The following ANGEL2 variants were observed in gnomAD, a reference collection of about 807,000 sequenced individuals.
ANGEL2 encodes the protein RNA 2',3'-cyclic phosphatase ANGEL2.
ANGEL2 carries 41 observed loss-of-function variants against 66.0 expected under a neutral mutation model. The observed-to-expected ratio is 0.62, with a 90% confidence interval of 0.48 to 0.81. The LOEUF is 0.81. Ranked by LOEUF, ANGEL2 falls within the 30% of genes least tolerant of loss-of-function variation. ANGEL2 has a pLI of 0.00. For missense variants in ANGEL2, 561 were observed against 641.6 expected (o/e 0.87, Z 1.36); for synonymous variants, 208 against 226.5 (o/e 0.92, Z 0.73).
At chr1:212,996,637 AAAAATATATATAT>A (rs1301910155) in intron 8 of ANGEL2, among the ~76,000 whole-genome samples, 1 of 51,106 alleles carries the variant, frequency 2.0e-5, no homozygotes, top group African/African-American at 3.7e-5. Flanking sequence ...AAAAAAAAAA[AAAAATATATATAT>A]ATATATATAT....
At chr1:213,009,533 C>T (rs747039709) in intron 2 of ANGEL2, among the ~76,000 whole-genome samples, 1 of 152,156 alleles carries the variant, frequency 6.6e-6, no homozygotes, top group South Asian at 2.1e-4. Context: ...CACTGGAATA[C>T]AATGCCTGGA....
Position 213,015,860 on chromosome 1 carries a change from C to A in ANGEL2, c.-189G>T. On this transcript the variant is annotated 5_prime_UTR_variant, in exon 1 of 9. Transcript: ENST00000366962. ...ACACTCCATCTTGCGCAGTCAGAGT[C>A]CCTGAATGCCTTAACCCGGAATTCT... 1 of 657,856 alleles carries A rather than the reference C, an allele frequency of 1.5e-6. No homozygotes were observed. Among genetic ancestry groups the A allele is most frequent in the Admixed American group, 2.9e-5 (1 of 34,018 alleles). The allele number at this position is 657,856 out of a possible 1,614,324, so 40.8% of individuals were successfully genotyped here.
intron 1 of ANGEL2, chr1:213,015,006 G>A: frequency 6.2e-6 from 3 of 483,330 alleles, no homozygotes; most frequent in Non-Finnish European, 8.1e-6. Context: ...AAGCTAATGT[G>A]GGCAGCACCT....
rs1024882990 is a variant in ANGEL2 at position 212,993,063 on chromosome 1, T to A, written c.*1978A>T. On this transcript the variant is annotated 3_prime_UTR_variant, in exon 9 of 9. Transcript: ENST00000366962. ...GGCTCATGCCTGTAATCACAGCACT[T>A]TGGGAGCCCGAGGCGGGTGGATCAC... 5.9e-5 allele frequency: 9 copies of A among 152,170 alleles called. No homozygotes were observed. The highest frequency in any genetic ancestry group is 2.2e-4 in the African/African-American group (9 of 41,442). 9.4% of individuals were successfully genotyped at this position (152,170 alleles called of 1,614,324 possible). A position where few individuals can be genotyped will look rare whatever the true frequency, so the allele number is the denominator to read the frequency against.
chr1:212,997,020 C>CT, intron 8 of ANGEL2, 135 bp downstream of exon 8: 1 of 765,242 alleles, frequency 1.3e-6, no homozygotes, highest in Non-Finnish European at 2.1e-6. Context: ...TATTACCAAT[C>CT]TGTCTATTTC....
At chr1:213,010,868 T>C (rs892438774) in intron 2 of ANGEL2, among the ~76,000 whole-genome samples, 7 of 152,166 alleles carry the variant, frequency 4.6e-5, no homozygotes, top group Admixed American at 1.3e-4. Context: ...GTCATTAAAG[T>C]TTATAAACAA....
intron 2 of ANGEL2, among the ~76,000 whole-genome samples, chr1:213,009,851 G>GACC (rs1389938144): frequency 6.6e-6 from 1 of 151,832 alleles, no homozygotes; most frequent in East Asian, 1.9e-4. Context: ...AGGAGTTCGA[G>GACC]ACCAGCCTGG....
chr1:213,006,184 A>G (rs3002283), intron 4 of ANGEL2, among the ~76,000 whole-genome samples: 151,709 of 152,282 alleles, frequency 1, 75,570 homozygotes, highest in East Asian at 1. Context: ...AATGAAGGCC[A>G]GGCGTGGTGG....
intron 5 of ANGEL2, 162 bp from the exon 6 acceptor site, chr1:213,001,074 TA>T (rs1430740701): frequency 1.6e-6 from 1 of 634,932 alleles, no homozygotes; most frequent in East Asian, 3.3e-5. Context: ...TTCTTTTCTT[TA>T]AATACAATTC....
At chr1:212,996,729 T>C (rs1267227708) in intron 8 of ANGEL2, among the ~76,000 whole-genome samples, 2 of 148,910 alleles carry the variant, frequency 1.3e-5, no homozygotes, top group African/African-American at 2.5e-5. Flanking sequence ...ATAAGCTGTG[T>C]TGCTGGCAGT....
chr1:212,995,380 A>C (rs1328609683), intron 8 of ANGEL2, among the ~76,000 whole-genome samples, 188 bp from the exon 9 acceptor site: 1 of 152,232 alleles, frequency 6.6e-6, no homozygotes, highest in Non-Finnish European at 1.5e-5. Context: ...TCAAACACAC[A>C]GCAGTTTGAG....
Position 213,008,626 on chromosome 1 carries a change from T to C in ANGEL2, c.386-160A>G, listed in dbSNP as rs1164174665. Among the ~76,000 whole-genome samples, 3 of 152,364 alleles carry C rather than the reference T, an allele frequency of 2.0e-5. No individual in the cohort carries two copies. In the East Asian group the frequency reaches 5.8e-4, roughly 29 times the overall value. On this transcript the variant is annotated intron_variant, in intron 2 of 8. Transcript: ENST00000366962. Reference sequence around the variant, plus strand: ...ATATAGCACTGAATAATTAGAACTGTTATCAAATTGGTTACAAATGCGGTA... The same window carrying C: ...ATATAGCACTGAATAATTAGAACTGCTATCAAATTGGTTACAAATGCGGTA...
At chr1:213,000,681 T>C in intron 6 of ANGEL2, 105 bp downstream of exon 6, 5 of 1,240,064 alleles carry the variant, frequency 4.0e-6, no homozygotes, top group Non-Finnish European at 4.3e-6. Context: ...TTTATATATA[T>C]GAATATTCAT....
chr1:212,992,214 G>A lies in ANGEL2; in HGVS notation c.*2827C>T, dbSNP rs1338755556. On this transcript the variant is annotated 3_prime_UTR_variant, in exon 9 of 9. Coordinates refer to ENST00000366962, the MANE Select transcript of ANGEL2 (RefSeq NM_144567.5). ...ATAATAGTTTATTACCTAACTTACA[G>A]GTACAAAGTGCAAATGACTTGACGC... is the stretch of plus-strand genomic sequence containing the variant. The A allele has an allele frequency of 6.6e-6, 1 of 152,190 alleles. No homozygotes were observed. The highest frequency in any genetic ancestry group is 1.5e-5 in the Non-Finnish European group (1 of 68,052). 9.4% of individuals were successfully genotyped at this position (152,190 alleles called of 1,614,324 possible).
intron 5 of ANGEL2, chr1:213,002,137 T>A (rs1433491451): frequency 3.9e-5 from 6 of 152,456 alleles, no homozygotes; most frequent in Non-Finnish European, 8.8e-5. Context: ...CTATAGCCTA[T>A]GAAATGTATT....
chr1:212,997,074 TAG>T, intron 8 of ANGEL2, 79 bp downstream of exon 8: 1 of 1,293,806 alleles, frequency 7.7e-7, no homozygotes, highest in Non-Finnish European at 1.1e-6. Flanking sequence ...ACTGGATGTT[TAG>T]AGAGCTTTCT....
chr1:213,011,272 A>C (rs2076501800), intron 2 of ANGEL2: 2 of 1,287,840 alleles, frequency 1.6e-6, no homozygotes, highest in Non-Finnish European at 2.0e-6. Flanking sequence ...GAAAGTAAGC[A>C]ATAGGCCTGA....
Position 213,015,614 on chromosome 1 carries a change from G to C in ANGEL2, c.58C>G (p.Arg20Gly). Residue 20 changes from arginine to glycine, a missense_variant and splice_region_variant, in exon 1 of 9, where the codon CGA becomes GGA. Physicochemically the swap from Arg to Gly is moderately radical, Grantham distance 125. Coordinates refer to ENST00000366962, the MANE Select transcript of ANGEL2 (RefSeq NM_144567.5). ...CTCCGAGTACCCAGCCCTACTGACC[G>C]GCCTCTTCCCACCACACAGTGGCCG... Reference protein sequence around the residue: ...GYGHCVVGRGRYPMFPHHSRS... With the variant: ...GYGHCVVGRGGYPMFPHHSRS... 1.4e-6 allele frequency: 2 copies of C among 1,445,714 alleles called. No homozygotes were observed. Among genetic ancestry groups the C allele is most frequent in the Non-Finnish European group, 1.9e-6 (2 of 1,076,552 alleles). 89.6% of individuals were successfully genotyped at this position (1,445,714 alleles called of 1,614,324 possible). A position where few individuals can be genotyped will look rare whatever the true frequency, so the allele number is the denominator to read the frequency against.
chr1:213,015,067 G>T, intron 1 of ANGEL2: 1 of 961,998 alleles, frequency 1.0e-6, no homozygotes. Context: ...AAAATATCCA[G>T]TAAATAATAC....
Sources: allele counts gnomAD v4.1 joint callset (sites outside exome capture counted in the v4.1 genomes callset), GRCh38; gene constraint gnomAD v4.1.1; transcripts MANE v1.5; gene names NCBI Gene and HGNC (gene_info 2026-07-23, HGNC 2026-07-21).